Variants in LMO7 observed in about 807,000 individuals in gnomAD.
LMO7 encodes LIM domain 7.
LMO7 carries 120 observed loss-of-function variants against 206.5 expected under a neutral mutation model. That is an observed-to-expected ratio of 0.58 (90% CI 0.50 to 0.68). LMO7 has a LOEUF of 0.68. LMO7 is among the 30% of genes least tolerant of loss of function. The probability of loss-of-function intolerance (pLI) is 0.00; values close to 1 mark genes in which losing one functional copy is unlikely to be tolerated. For synonymous variants in LMO7, 706 were observed against 681.5 expected, an observed-to-expected ratio of 1.04 and a Z score of -0.56; for missense variants, 1,959 against 1,957.9, an observed-to-expected ratio of 1.00 and a Z score of -0.01.
intron 1 of LMO7, among the ~76,000 whole-genome samples, chr13:75,637,977 G>T (rs1189911649): frequency 1.3e-5 from 2 of 152,176 alleles, no homozygotes; most frequent in Non-Finnish European, 2.9e-5. Flanking sequence ...ATTTTGAATT[G>T]AAATGAGAGT....
At chr13:75,801,897 C>T (rs557841588) in intron 7 of LMO7, among the ~76,000 whole-genome samples, 3 of 152,234 alleles carry the variant, frequency 2.0e-5, no homozygotes, top group African/African-American at 7.2e-5. Context: ...CACATGTATT[C>T]GCTGCCTAAT....
At chr13:75,653,895 C>T (rs1739086377) in intron 1 of LMO7, among the ~76,000 whole-genome samples, 5 of 152,100 alleles carry the variant, frequency 3.3e-5, no homozygotes, top group Admixed American at 1.3e-4. Flanking sequence ...TAAGTTTGTA[C>T]CTGAAAGCTA....
chr13:75,774,472 G>A (rs1393914951), intron 4 of LMO7, among the ~76,000 whole-genome samples: 5 of 151,982 alleles, frequency 3.3e-5, no homozygotes, highest in Non-Finnish European at 1.5e-5. Flanking sequence ...TTTGGCTATT[G>A]TGGATAATAC....
intron 4 of LMO7, among the ~76,000 whole-genome samples, chr13:75,764,157 T>C (rs2048552343): frequency 6.6e-6 from 1 of 152,150 alleles, no homozygotes; most frequent in African/African-American, 2.4e-5. Context: ...ATTCCTGACT[T>C]AATGGGTAGG....
chr13:75,640,913 T>A (rs999076578), intron 1 of LMO7, among the ~76,000 whole-genome samples: 2 of 152,206 alleles, frequency 1.3e-5, no homozygotes, highest in Non-Finnish European at 2.9e-5. Context: ...GCCTCAACCC[T>A]CTTCCCGAGT....
intron 4 of LMO7, among the ~76,000 whole-genome samples, chr13:75,777,598 C>G (rs2050682546): frequency 6.6e-6 from 1 of 151,408 alleles, no homozygotes; most frequent in African/African-American, 2.4e-5. Flanking sequence ...TGTTTCATCA[C>G]ATTCAGATAA....
intron 15 of LMO7, 143 bp downstream of exon 15, chr13:75,824,016 A>G (rs1337539856): frequency 3.0e-6 from 2 of 671,284 alleles, no homozygotes; most frequent in African/African-American, 3.6e-5. Flanking sequence ...CTTTGAACAG[A>G]TCTTGGAGGA....
intron 2 of LMO7, among the ~76,000 whole-genome samples, chr13:75,725,596 C>A (rs1012728644): frequency 6.6e-6 from 1 of 152,032 alleles, no homozygotes; most frequent in Non-Finnish European, 1.5e-5. Flanking sequence ...TTACTCAATT[C>A]TTTTCTGACT....
chr13:75,661,515 C>G (rs956026026), intron 1 of LMO7, among the ~76,000 whole-genome samples: 6 of 152,050 alleles, frequency 3.9e-5, no homozygotes, highest in African/African-American at 1.5e-4. Flanking sequence ...TCAATTGGAG[C>G]AATGAGGGAA....
chr13:75,757,082 T>C (rs79978233), intron 3 of LMO7, among the ~76,000 whole-genome samples: 6,647 of 152,310 alleles, frequency 0.044, 255 homozygotes, highest in South Asian at 0.19. Context: ...TCAAAAGCTA[T>C]GTCATAAGAC....
chr13:75,722,199 A>G (rs1362986202), intron 2 of LMO7, among the ~76,000 whole-genome samples: 1 of 152,196 alleles, frequency 6.6e-6, no homozygotes, highest in Admixed American at 6.5e-5. Flanking sequence ...AGATAAATAG[A>G]TGGGACTTAA....
At chr13:75,671,195 G>A (rs1302749141) in intron 1 of LMO7, among the ~76,000 whole-genome samples, 1 of 140,566 alleles carries the variant, frequency 7.1e-6, no homozygotes, top group South Asian at 2.2e-4. Context: ...GCCTGACACT[G>A]TTTTACAGTT....
At chr13:75,841,321 C>CATTGTATT in intron 23 of LMO7, 120 bp downstream of exon 23, 1 of 677,596 alleles carries the variant, frequency 1.5e-6, no homozygotes, top group Non-Finnish European at 2.5e-6. Context: ...CTGTGTAGCT[C>CATTGTATT]TTTGAAAAAT....
At chr13:75,669,955 G>A (rs1000229911) in intron 1 of LMO7, among the ~76,000 whole-genome samples, 5 of 152,106 alleles carry the variant, frequency 3.3e-5, no homozygotes, top group South Asian at 2.1e-4. Context: ...CTGGTCCAAG[G>A]TTTCCCTTAC....
intron 1 of LMO7, among the ~76,000 whole-genome samples, chr13:75,641,001 T>C (rs1005932006): frequency 1.3e-5 from 2 of 152,232 alleles, no homozygotes; most frequent in Non-Finnish European, 1.5e-5. Flanking sequence ...ATACCTACTA[T>C]GTGCCTACTG....
chr13:75,623,672 A>C (rs569020563), intron 2 of LMO7, among the ~76,000 whole-genome samples: 35 of 152,118 alleles, frequency 2.3e-4, no homozygotes, highest in Non-Finnish European at 4.0e-4. Context: ...CAAGCATTAA[A>C]AAAAAAAAAA....
intron 25 of LMO7, 54 bp from the exon 26 acceptor site, chr13:75,845,273 A>G: frequency 1.2e-6 from 1 of 837,720 alleles, no homozygotes; most frequent in Non-Finnish European, 1.8e-6. Flanking sequence ...CTTCATAAAT[A>G]TAAAGGAGGT....
At position 75,648,523 on chromosome 13, in the gene LMO7, C is replaced by T. The variant is rs79922135; in HGVS notation, c.69+11797C>T. ...AGCCCTGCCTGTTGTTTGGCATGTA[C>T]ACATCCTGTTGTGCTATTGGCTGTT... On this transcript the variant is annotated intron_variant, in intron 1 of 30. Transcript: ENST00000377534. Among the ~76,000 whole-genome samples, 7 of 152,304 alleles carry T rather than the reference C, an allele frequency of 4.6e-5. No homozygotes were observed. The East Asian group carries it at 1.4e-3, about 29-fold the overall frequency.
At chr13:75,776,176 T>TGCC (rs1566433800) in intron 4 of LMO7, among the ~76,000 whole-genome samples, 5 of 64,454 alleles carry the variant, frequency 7.8e-5, no homozygotes, top group Non-Finnish European at 1.4e-4. Context: ...TATATATATA[T>TGCC]ATATATATAT....
Sources: gnomAD v4.1 joint callset for allele counts (sites outside exome capture counted in the v4.1 genomes callset) on GRCh38, gnomAD v4.1.1 for gene constraint, MANE v1.5 for transcripts, NCBI Gene and HGNC (gene_info 2026-07-23, HGNC 2026-07-21) for gene names.